Variants in NFE2L1 observed in about 807,000 individuals in gnomAD.
The protein encoded by NFE2L1 is endoplasmic reticulum membrane sensor NFE2L1.
A neutral mutation model predicts 61.6 loss-of-function variants in NFE2L1; 18 were observed. The ratio of observed to expected loss-of-function variants is 0.29; its 90% CI spans 0.20 to 0.43. The LOEUF is 0.43. NFE2L1 is among the 20% of genes least tolerant of loss of function. NFE2L1 has a pLI of 1.00. For missense variants in NFE2L1, 827 were observed against 973.5 expected (o/e 0.85, Z 2.00); for synonymous variants, 419 against 402.7 (o/e 1.04, Z -0.48).
chr17:48,049,664 A>G (rs1313207708), intron 1 of NFE2L1, among the ~76,000 whole-genome samples: 3 of 152,258 alleles, frequency 2.0e-5, no homozygotes, highest in African/African-American at 7.2e-5. Flanking sequence ...AAGTGCTGGG[A>G]TTACAGGCGT....
chr17:48,053,194 G>T (rs1047214591), intron 2 of NFE2L1, among the ~76,000 whole-genome samples: 5 of 152,134 alleles, frequency 3.3e-5, no homozygotes, highest in African/African-American at 9.7e-5. Context: ...TGTTCCTGCT[G>T]GGATGGGATG....
chr17:48,059,672 C>G lies in NFE2L1; in HGVS notation c.*31C>G, dbSNP rs1484977834. 1.3e-6 allele frequency: 2 copies of G among 1,522,650 alleles called. No individual in the cohort carries two copies. The highest frequency in any genetic ancestry group is 1.3e-5 in the South Asian group (1 of 76,688). The allele number at this position is 1,522,650 out of a possible 1,614,324, so 94.3% of individuals were successfully genotyped here. ...GGGAAGAAGGGGGTTTGAAGCCCACCAAGACCGAAACTGGAGAAGGGCTGG... is the reference window on the plus strand; with the variant it reads ...GGGAAGAAGGGGGTTTGAAGCCCACGAAGACCGAAACTGGAGAAGGGCTGG... On this transcript the variant is annotated 3_prime_UTR_variant, in exon 6 of 6. Transcript: ENST00000362042. This position sits in a 1 kb window ranked among gnomAD's most constrained non-coding sequence, Gnocchi z 6.1.
Position 48,057,132 on chromosome 17 carries a change from C to G in NFE2L1, c.813+11C>G, listed in dbSNP as rs1393466273. ...GGGGAGAATGCTGAGGTGAGCAGGA[C>G]TCCAGTGAGAGTCCACCAAGTGAGC... On this transcript the variant is annotated intron_variant, in intron 4 of 5. Transcript: ENST00000362042. 6.2e-7 allele frequency: 1 copy of G among 1,612,334 alleles called. No individual in the cohort carries two copies.
intron 2 of NFE2L1, chr17:48,055,203 G>C (rs566477926): frequency 2.0e-6 from 2 of 1,004,658 alleles, no homozygotes; most frequent in South Asian, 3.0e-5. Flanking sequence ...CTTAGGGTCA[G>C]GGGGGGTTAA....
intron 4 of NFE2L1, 95 bp from the exon 5 acceptor site, chr17:48,057,245 GAGGA>G: frequency 1.3e-6 from 2 of 1,589,518 alleles, no homozygotes; most frequent in South Asian, 2.3e-5. Context: ...GGTAAATGCA[GAGGA>G]AGGAAGAACA....
rs755667380 is a variant in NFE2L1, at chr17:48,059,000, G to C, written c.1678G>C (p.Ala560Pro). The change falls in exon 6 of 6, where the codon GCT becomes CCT. Residue 560 changes from alanine to proline, a missense_variant. Transcript: ENST00000362042. Reference protein sequence around the residue: ...KFCRMSYQDPAQLSCLPYLEH... With the variant: ...KFCRMSYQDPPQLSCLPYLEH... Reference sequence around the variant, plus strand: ...CTGCCGCATGAGCTACCAGGATCCAGCTCAGCTCTCATGCCTGCCCTACCT... The same window carrying C: ...CTGCCGCATGAGCTACCAGGATCCACCTCAGCTCTCATGCCTGCCCTACCT... 6.2e-7 allele frequency: 1 copy of C among 1,613,996 alleles called. No individual in the cohort carries two copies. Among genetic ancestry groups the C allele is most frequent in the Non-Finnish European group, 8.5e-7 (1 of 1,180,002 alleles).
In NFE2L1 at chr17:48,057,089, G is replaced by C; in HGVS notation, c.781G>C (p.Glu261Gln). 7 of 1,613,342 alleles carry C rather than the reference G, an allele frequency of 4.3e-6. No individual in the cohort carries two copies. The highest frequency in any genetic ancestry group is 5.9e-6 in the Non-Finnish European group (7 of 1,179,816). The change falls in exon 4 of 6, where the codon GAA becomes CAA. Residue 261 changes from glutamate to glutamine, a missense_variant. Transcript: ENST00000362042. The stretch of plus-strand genomic sequence containing the variant: ...CCTGGAAGAGTGCCTTAGGCTGCTG[G>C]AAGCCACCTGCCCCTTTGGGGAGAA... ...LSLEECLRLL[E>Q]ATCPFGENAE...
chr17:48,053,100 C>T (rs913088799), intron 2 of NFE2L1, among the ~76,000 whole-genome samples: 7 of 152,170 alleles, frequency 4.6e-5, no homozygotes, highest in African/African-American at 1.7e-4. Context: ...AGTCTCTGCT[C>T]TATGCTCCTC....
At chr17:48,056,990 C>T in intron 3 of NFE2L1, 42 bp from the exon 4 acceptor site, 3 of 1,603,842 alleles carry the variant, frequency 1.9e-6, no homozygotes, top group Non-Finnish European at 1.7e-6. Flanking sequence ...CCCAGGCAGC[C>T]AAGGCCCAGG....
chr17:48,057,575 A>G (rs774886855), intron 5 of NFE2L1, 73 bp downstream of exon 5: 21 of 1,521,642 alleles, frequency 1.4e-5, no homozygotes, highest in Middle Eastern at 1.8e-4. Flanking sequence ...TTGCTTTTCC[A>G]TCTCCAAGGA....
Position 48,051,301 on chromosome 17 carries a change from C to T in NFE2L1, c.183C>T (p.Thr61=), listed in dbSNP as rs934838064. 6.2e-7 allele frequency: 1 copy of T among 1,613,976 alleles called. No homozygotes were observed. Among genetic ancestry groups the T allele is most frequent in the African/African-American group, 1.3e-5 (1 of 74,874 alleles). ...CCCAGTTCCACAACCTGAGGAATAC[C>T]TTGGATGGCTATGGTATCCACCCCA... ...TQTQFHNLRN[T]LDGYGIHPKS... is the part of the protein sequence containing the mutation. The change falls in exon 2 of 6, where the codon ACC becomes ACT. Residue 61 remains threonine, a synonymous_variant. Transcript: ENST00000362042.
At chr17:48,054,487 C>T (rs918121752) in intron 2 of NFE2L1, 6 of 749,708 alleles carry the variant, frequency 8.0e-6, no homozygotes, top group Non-Finnish European at 1.1e-5. Context: ...AGGAGATTGG[C>T]TCTCGGCGCA....
rs139896114 is a variant in NFE2L1, at chr17:48,051,595, A to G, written c.477A>G (p.Val159=). The change falls in exon 2 of 6, where the codon GTA becomes GTG. Residue 159 remains valine (V), a synonymous_variant. Transcript: ENST00000362042. ...FGEDLEDLGA[V]APPVSGDLTK... ...AAGATTTGGAGGATTTGGGGGCTGT[A>G]GCCCCCCCAGTCAGTGGAGACTTAA... The G allele has an allele frequency of 3.3e-4, 529 of 1,613,874 alleles. No homozygotes were observed. Among genetic ancestry groups the G allele is most frequent in the Non-Finnish European group, 4.2e-4 (495 of 1,179,944 alleles).
intron 1 of NFE2L1, among the ~76,000 whole-genome samples, chr17:48,049,634 C>T (rs1229951973): frequency 6.6e-6 from 1 of 152,232 alleles, no homozygotes; most frequent in African/African-American, 2.4e-5. Flanking sequence ...CTCGGGTGAT[C>T]CGCCCTCCTC....
chr17:48,051,403 G>A lies in NFE2L1; in HGVS notation c.285G>A (p.Val95=), dbSNP rs1330660181. 1 of 1,614,170 alleles carries A rather than the reference G, an allele frequency of 6.2e-7. No homozygotes were observed. Among genetic ancestry groups the A allele is most frequent in the Admixed American group, 1.7e-5 (1 of 60,026 alleles). ...SQVRALDRFQ[V]PTTEVNAWLV... ...TGAGGGCCCTGGACAGGTTCCAGGT[G>A]CCAACCACTGAGGTAAATGCCTGGC... The change falls in exon 2 of 6, where the codon GTG becomes GTA. Residue 95 remains valine, a synonymous_variant. Coordinates refer to ENST00000362042, the MANE Select transcript of NFE2L1 (RefSeq NM_003204.3).
At chr17:48,050,452 C>T (rs1017956078) in intron 1 of NFE2L1, among the ~76,000 whole-genome samples, 155 bp from the exon 2 acceptor site, 17 of 151,810 alleles carry the variant, frequency 1.1e-4, no homozygotes, top group Admixed American at 5.2e-4. Context: ...GCACTCTAGC[C>T]TGGGCGACAG....
In NFE2L1 at chr17:48,059,013, G is replaced by A; in HGVS notation, c.1691G>A (p.Cys564Tyr). ...MSYQDPAQLS[C>Y]LPYLEHVGHN... The stretch of plus-strand genomic sequence containing the variant: ...TACCAGGATCCAGCTCAGCTCTCAT[G>A]CCTGCCCTACCTGGAGCACGTGGGC... Residue 564 changes from cysteine (C) to tyrosine (Y), a missense_variant, in exon 6 of 6, where the codon TGC becomes TAC. Around this residue, in one of 3 missense-constraint regions of NFE2L1, gnomAD observed 667 missense variants for 748.4 expected, o/e 0.89. Transcript: ENST00000362042. The surrounding 1 kb of genome is among the most constrained non-coding windows in gnomAD (Gnocchi z 6.1). 1 of 1,614,010 alleles carries A rather than the reference G, an allele frequency of 6.2e-7. No homozygotes were observed. The highest frequency in any genetic ancestry group is 8.5e-7 in the Non-Finnish European group (1 of 1,180,038).
At position 48,059,376 on chromosome 17, in the gene NFE2L1, A is replaced by G. The variant is rs749456648; in HGVS notation, c.2054A>G (p.Asp685Gly). 1.9e-6 allele frequency: 3 copies of G among 1,614,174 alleles called. No individual in the cohort carries two copies. The South Asian group carries it at 3.3e-5, about 18-fold the overall frequency. The change falls in exon 6 of 6, where the codon GAT becomes GGT. Residue 685 changes from aspartate to glycine, a missense_variant. Asp to Gly is a moderately conservative substitution (Grantham distance 94). This residue lies in a region of NFE2L1 where 74 missense variants were observed against 127.8 expected (regional missense o/e 0.58). Coordinates refer to ENST00000362042, the MANE Select transcript of NFE2L1 (RefSeq NM_003204.3). The surrounding 1 kb of genome is among the most constrained non-coding windows in gnomAD (Gnocchi z 6.1). ...KLDTILNLER[D>G]VEDLQRDKAR... ...GACACCATCCTGAATCTGGAGCGTG[A>G]TGTGGAGGACCTGCAGCGTGACAAA... is the stretch of plus-strand genomic sequence containing the variant.
At position 48,059,348 on chromosome 17, in the gene NFE2L1, C is replaced by T; in HGVS notation, c.2026C>T (p.Leu676=). 6.2e-7 allele frequency: 1 copy of T among 1,614,226 alleles called. No homozygotes were observed. Among genetic ancestry groups the T allele is most frequent in the Non-Finnish European group, 8.5e-7 (1 of 1,180,050 alleles). The part of the protein sequence containing the change: ...MAAQNCRKRK[L]DTILNLERDV... ...GGCGCAGAACTGCCGCAAGCGCAAG[C>T]TGGACACCATCCTGAATCTGGAGCG... The change falls in exon 6 of 6, where the codon CTG becomes TTG. Residue 676 remains leucine (L), a synonymous_variant. Transcript: ENST00000362042. The surrounding 1 kb of genome is among the most constrained non-coding windows in gnomAD (Gnocchi z 6.1).
Sources: gnomAD v4.1 joint callset for allele counts (sites outside exome capture counted in the v4.1 genomes callset) on GRCh38, gnomAD v4.1.1 for gene constraint, gnomAD v4.1.1 regional missense constraint, Gnocchi (gnomAD v3.1) non-coding constraint, MANE v1.5 for transcripts, NCBI Gene and HGNC (gene_info 2026-07-23, HGNC 2026-07-21) for gene names.